LMNTD1: variants seen among roughly 807,000 people sequenced by gnomAD.
LMNTD1 encodes the protein lamin tail domain containing 1, also known as lamin tail domain-containing protein 1.
LMNTD1 carries 35 observed loss-of-function variants against 50.9 expected under a neutral mutation model. The ratio of observed to expected loss-of-function variants is 0.69; its 90% CI spans 0.53 to 0.91. LMNTD1 has a LOEUF of 0.91. Ranked by LOEUF, LMNTD1 falls within the 40% of genes least tolerant of loss-of-function variation. The pLI is 0.00. For missense variants in LMNTD1, 470 were observed against 475.5 expected, an observed-to-expected ratio of 0.99 and a Z score of 0.11; for synonymous variants, 153 against 161.9, an observed-to-expected ratio of 0.94 and a Z score of 0.42.
At chr12:25,570,066 T>C (rs1944722934) in intron 1 of LMNTD1, among the ~76,000 whole-genome samples, 1 of 152,194 alleles carries the variant, frequency 6.6e-6, no homozygotes, top group Non-Finnish European at 1.5e-5. Flanking sequence ...GAGTTCAGTT[T>C]TGTCTGACTT....
chr12:25,504,848 G>A (rs1019646644), intron 8 of LMNTD1, among the ~76,000 whole-genome samples: 7 of 152,202 alleles, frequency 4.6e-5, no homozygotes, highest in African/African-American at 1.7e-4. Context: ...TTGCTAAATA[G>A]TAAGTTATGA....
Position 25,603,710 on chromosome 12 carries a change from T to C in LMNTD1, c.58+44784A>G, listed in dbSNP as rs151112861. ...ACATGCTAGTATGTAAGACAATAAA[T>C]ATACACAAATAGCATAGGGCAGAAT... On this transcript the variant is annotated intron_variant, in intron 1 of 7. Transcript: ENST00000445693. Among the ~76,000 whole-genome samples, 6 of 152,124 alleles carry C rather than the reference T, an allele frequency of 3.9e-5. No homozygotes were observed. The East Asian group carries it at 1.2e-3, about 29-fold the overall frequency.
At chr12:25,641,278 C>T (rs1158969220) in intron 1 of LMNTD1, among the ~76,000 whole-genome samples, 1 of 152,018 alleles carries the variant, frequency 6.6e-6, no homozygotes, top group Non-Finnish European at 1.5e-5. Flanking sequence ...ATATTGATGT[C>T]TTGATTTCCT....
chr12:25,576,298 G>A (rs565203638), intron 1 of LMNTD1, among the ~76,000 whole-genome samples: 2 of 152,192 alleles, frequency 1.3e-5, no homozygotes, highest in South Asian at 4.2e-4. Flanking sequence ...CTAGTTTACA[G>A]TCCCACCAAC....
intron 1 of LMNTD1, among the ~76,000 whole-genome samples, chr12:25,630,995 T>C (rs1281417424): frequency 6.6e-6 from 1 of 152,148 alleles, no homozygotes; most frequent in African/African-American, 2.4e-5. Flanking sequence ...GCCCTTCAGT[T>C]TGAGTGGGAG....
At chr12:25,556,384 C>T (rs1252957406), upstream of LMNTD1, among the ~76,000 whole-genome samples, 1 of 152,198 alleles carries the variant, frequency 6.6e-6, no homozygotes, top group Non-Finnish European at 1.5e-5. Context: ...CAAGCTTATA[C>T]AGCCAGTAAA....
intron 1 of LMNTD1, among the ~76,000 whole-genome samples, chr12:25,576,579 A>G (rs1945029342): frequency 6.6e-6 from 1 of 152,106 alleles, no homozygotes; most frequent in Admixed American, 6.5e-5. Flanking sequence ...TTCTTTGTAG[A>G]TTCTGGATAT....
chr12:25,490,826 A>G (rs1372230513), intron 9 of LMNTD1, among the ~76,000 whole-genome samples: 2 of 152,226 alleles, frequency 1.3e-5, no homozygotes, highest in Non-Finnish European at 2.9e-5. Flanking sequence ...GAAGAGAGTT[A>G]AAATGTGGAT....
intron 4 of LMNTD1, among the ~76,000 whole-genome samples, chr12:25,536,247 T>C (rs1442181735): frequency 2.0e-5 from 3 of 152,116 alleles, no homozygotes; most frequent in Admixed American, 2.0e-4. Flanking sequence ...CATGAAACAT[T>C]CTACTAAACA....
chr12:25,575,026 G>C (rs1433886988), intron 1 of LMNTD1, among the ~76,000 whole-genome samples: 1 of 152,196 alleles, frequency 6.6e-6, no homozygotes, highest in Non-Finnish European at 1.5e-5. Flanking sequence ...AGGCGTTGCT[G>C]CTGCTCAGAA....
intron 1 of LMNTD1, among the ~76,000 whole-genome samples, chr12:25,643,294 A>C (rs1310966029): frequency 6.6e-6 from 1 of 152,218 alleles, no homozygotes; most frequent in Non-Finnish European, 1.5e-5. Flanking sequence ...CAAGACATGC[A>C]AAGAACTTTA....
intron 1 of LMNTD1, among the ~76,000 whole-genome samples, chr12:25,576,351 T>C (rs1945019075): frequency 6.6e-6 from 1 of 152,222 alleles, no homozygotes; most frequent in African/African-American, 2.4e-5. Flanking sequence ...CTCCAGCACT[T>C]GTTGTTTCCT....
chr12:25,606,236 G>C (rs1375869309), intron 1 of LMNTD1, among the ~76,000 whole-genome samples: 1 of 152,192 alleles, frequency 6.6e-6, no homozygotes, highest in African/African-American at 2.4e-5. Context: ...ATTTTGGGCT[G>C]AGACGATGGG....
At chr12:25,515,894 A>G (rs116042251) in intron 8 of LMNTD1, among the ~76,000 whole-genome samples, 2,513 of 152,256 alleles carry the variant, frequency 0.017, 72 homozygotes, top group African/African-American at 0.057. Context: ...GGGTAAATGG[A>G]GCAGGATTAA....
intron 9 of LMNTD1, among the ~76,000 whole-genome samples, chr12:25,491,043 A>G (rs912795949): frequency 2.0e-5 from 3 of 152,276 alleles, no homozygotes; most frequent in African/African-American, 7.2e-5. Context: ...TGGAGCAGCT[A>G]CAGATGAGCT....
chr12:25,643,853 C>T (rs762965221), intron 1 of LMNTD1, among the ~76,000 whole-genome samples: 1 of 151,984 alleles, frequency 6.6e-6, no homozygotes, highest in Non-Finnish European at 1.5e-5. Flanking sequence ...TTCAGGGTGT[C>T]GGATGAATGG....
chr12:25,593,198 A>G (rs1205368957), intron 1 of LMNTD1, among the ~76,000 whole-genome samples: 3 of 152,020 alleles, frequency 2.0e-5, no homozygotes, highest in Non-Finnish European at 4.4e-5. Flanking sequence ...ACTCACCACC[A>G]TACTACCATA....
At chr12:25,511,920 C>A (rs985585939) in intron 8 of LMNTD1, among the ~76,000 whole-genome samples, 3 of 152,176 alleles carry the variant, frequency 2.0e-5, no homozygotes, top group African/African-American at 4.8e-5. Flanking sequence ...TTTGCCCCCC[C>A]TCTTTTCAAC....
chr12:25,476,871 AT>A (rs771623767), intron 9 of LMNTD1, among the ~76,000 whole-genome samples: 22 of 152,328 alleles, frequency 1.4e-4, no homozygotes, highest in Non-Finnish European at 2.6e-4. Context: ...TGTTGGAATT[AT>A]TTACAGAAAT....
Sources: gnomAD v4.1 joint callset for allele counts (sites outside exome capture counted in the v4.1 genomes callset) on GRCh38, gnomAD v4.1.1 for gene constraint, MANE v1.5 for transcripts, NCBI Gene and HGNC (gene_info 2026-07-23, HGNC 2026-07-21) for gene names.